BNC2: variants seen among roughly 807,000 people sequenced by gnomAD.
BNC2 encodes the protein zinc finger protein basonuclin-2.
A neutral mutation model predicts 76.3 loss-of-function variants in BNC2; 20 were observed. The ratio of observed to expected loss-of-function variants is 0.26; its 90% confidence interval spans 0.18 to 0.38. The LOEUF (loss-of-function observed/expected upper bound fraction) is 0.38. Among genes scored for constraint, BNC2 ranks in the 10% least tolerant of loss-of-function variants. BNC2 has a pLI of 1.00. For synonymous variants in BNC2, 582 were observed against 514.8 expected, an observed-to-expected ratio of 1.13 and a Z score of -1.77; for missense variants, 1,382 against 1,399.8, an observed-to-expected ratio of 0.99 and a Z score of 0.20.
chr9:16,860,594 TC>T, intron 1 of BNC2, among the ~76,000 whole-genome samples: 1 of 152,026 alleles, frequency 6.6e-6, no homozygotes, highest in Non-Finnish European at 1.5e-5. Context: ...AAGACACTTA[TC>T]AAAAAAAACA....
chr9:16,578,568 C>T (rs929128845), intron 4 of BNC2, among the ~76,000 whole-genome samples: 4 of 151,878 alleles, frequency 2.6e-5, no homozygotes, highest in African/African-American at 9.7e-5. Context: ...TAATTTTTAA[C>T]ATTCTGTAAA....
chr9:16,732,480 T>A (rs1273877310), intron 2 of BNC2, among the ~76,000 whole-genome samples: 1 of 152,222 alleles, frequency 6.6e-6, no homozygotes, highest in African/African-American at 2.4e-5. Context: ...TTATTTTTTC[T>A]GTCTCCAACA....
chr9:16,433,372 TC>T (rs1445124615), intron 6 of BNC2, among the ~76,000 whole-genome samples: 3 of 152,208 alleles, frequency 2.0e-5, no homozygotes. Context: ...TACTGTGATT[TC>T]AGCCAAATGA....
At chr9:16,651,059 A>T (rs961060335) in intron 3 of BNC2, among the ~76,000 whole-genome samples, 1 of 152,184 alleles carries the variant, frequency 6.6e-6, no homozygotes, top group African/African-American at 2.4e-5. Flanking sequence ...CACTCATCCT[A>T]TTCCACAGGG....
chr9:16,480,008 T>G (rs751701299), intron 5 of BNC2, among the ~76,000 whole-genome samples: 3 of 152,222 alleles, frequency 2.0e-5, no homozygotes, highest in Non-Finnish European at 4.4e-5. Context: ...TATTATAATA[T>G]TCAGTATTTA....
At chr9:16,490,775 CT>C (rs1456960416) in intron 5 of BNC2, among the ~76,000 whole-genome samples, 1 of 152,122 alleles carries the variant, frequency 6.6e-6, no homozygotes, top group African/African-American at 2.4e-5. Flanking sequence ...AGAGTCCCAA[CT>C]TTCAAAGGGG....
At chr9:16,805,733 A>ACACG (rs2135793405) in intron 1 of BNC2, among the ~76,000 whole-genome samples, 1 of 152,066 alleles carries the variant, frequency 6.6e-6, no homozygotes, top group Non-Finnish European at 1.5e-5. Context: ...ACACACACAC[A>ACACG]CACGCAAACA....
chr9:16,682,544 G>A (rs188325974), intron 3 of BNC2, among the ~76,000 whole-genome samples: 1 of 152,202 alleles, frequency 6.6e-6, no homozygotes, highest in African/African-American at 2.4e-5. Context: ...CCAGAGAGCA[G>A]CCACAGTTGT....
chr9:16,499,643 C>A (rs1822477429), intron 5 of BNC2, among the ~76,000 whole-genome samples: 1 of 150,758 alleles, frequency 6.6e-6, no homozygotes, highest in Non-Finnish European at 1.5e-5. Context: ...AATTCTCGTG[C>A]CTCAGCTTCC....
chr9:16,864,522 AC>A (rs1819492479), intron 1 of BNC2, among the ~76,000 whole-genome samples: 1 of 152,052 alleles, frequency 6.6e-6, no homozygotes, highest in Non-Finnish European at 1.5e-5. Flanking sequence ...GCAACCCTCA[AC>A]TCTGTCTATC....
chr9:16,773,355 A>G (rs1825878181), intron 1 of BNC2, among the ~76,000 whole-genome samples: 1 of 152,138 alleles, frequency 6.6e-6, no homozygotes. Flanking sequence ...CTCAACAAAA[A>G]GCCTTTTTTC....
intron 1 of BNC2, among the ~76,000 whole-genome samples, chr9:16,847,401 C>CGGGGG (rs869051853): frequency 0.082 from 847 of 10,292 alleles, 13 homozygotes; most frequent in African/African-American, 0.17. Flanking sequence ...TTTCTCGGGG[C>CGGGGG]GGGGGGGGGG....
chr9:16,635,503 G>A lies in BNC2; in HGVS notation c.331-52418C>T, dbSNP rs555211813. Among the ~76,000 whole-genome samples, 19 of 152,198 alleles carry A rather than the reference G, an allele frequency of 1.2e-4. No individual in the cohort carries two copies. The South Asian group carries it at 3.7e-3, about 30-fold the overall frequency. On this transcript the variant is annotated intron_variant, in intron 3 of 6. Coordinates refer to ENST00000380672, the MANE Select transcript of BNC2 (RefSeq NM_017637.6). ...CAAGTATTTTTTCATTTTAATAAATGTGGTCTGGTGTTTATGTCAAAAATT... is the reference window on the plus strand; with the variant it reads ...CAAGTATTTTTTCATTTTAATAAATATGGTCTGGTGTTTATGTCAAAAATT...
At chr9:16,792,564 A>T (rs1817542430) in intron 1 of BNC2, among the ~76,000 whole-genome samples, 1 of 152,224 alleles carries the variant, frequency 6.6e-6, no homozygotes, top group Admixed American at 6.5e-5. Flanking sequence ...AGCTAGAAAG[A>T]CCATTCCCAG....
intron 1 of BNC2, among the ~76,000 whole-genome samples, chr9:16,789,156 CATG>C (rs1371585913): frequency 3.3e-5 from 5 of 152,220 alleles, no homozygotes; most frequent in Non-Finnish European, 7.4e-5. Flanking sequence ...AGTCCATTTA[CATG>C]ATATTTTGAG....
At chr9:16,723,449 CTA>C (rs369334668) in intron 3 of BNC2, among the ~76,000 whole-genome samples, 8 of 149,758 alleles carry the variant, frequency 5.3e-5, no homozygotes, top group East Asian at 2.0e-4. Flanking sequence ...ACTTGTAATA[CTA>C]TATATATATA....
chr9:16,858,372 G>C (rs767693943), intron 1 of BNC2, among the ~76,000 whole-genome samples: 2 of 152,000 alleles, frequency 1.3e-5, no homozygotes, highest in Non-Finnish European at 2.9e-5. Context: ...TCATTTTTTG[G>C]CTACCAAATG....
At chr9:16,530,681 G>A (rs1182115230) in intron 5 of BNC2, among the ~76,000 whole-genome samples, 1 of 152,230 alleles carries the variant, frequency 6.6e-6, no homozygotes. Context: ...AATGCCTACT[G>A]TGTGAAAGAT....
chr9:16,570,905 G>C (rs1041753504), intron 4 of BNC2, among the ~76,000 whole-genome samples: 1 of 152,156 alleles, frequency 6.6e-6, no homozygotes, highest in African/African-American at 2.4e-5. Context: ...TAAAGAAACA[G>C]AGGGGATATA....
Sources: gnomAD v4.1 joint callset for allele counts (sites outside exome capture counted in the v4.1 genomes callset) on GRCh38, gnomAD v4.1.1 for gene constraint, MANE v1.5 for transcripts, NCBI Gene and HGNC (gene_info 2026-07-23, HGNC 2026-07-21) for gene names.